GLYATL1: variants seen among roughly 807,000 people sequenced by gnomAD.
GLYATL1 encodes the protein glycine-N-acyltransferase like 1, also known as glycine N-acyltransferase-like protein 1.
Under a neutral mutation model 20.0 loss-of-function variants are expected in GLYATL1, and 15 were observed. That is an observed-to-expected ratio of 0.75 (90% CI 0.50 to 1.15). The LOEUF is 1.15. GLYATL1 is among the 50% of genes most tolerant of loss of function. The pLI, the probability that GLYATL1 is intolerant of heterozygous loss-of-function variation, is 0.00. For synonymous variants in GLYATL1, 151 were observed against 131.5 expected (o/e 1.15, Z -1.01); for missense variants, 380 against 368.5 (o/e 1.03, Z -0.26).
At chr11:58,930,118 A>G (rs929886471) in intron 1 of GLYATL1, among the ~76,000 whole-genome samples, 7 of 152,276 alleles carry the variant, frequency 4.6e-5, no homozygotes, top group South Asian at 2.1e-4. Flanking sequence ...ATTTTTTTCC[A>G]AAGTCTTTAG....
At chr11:58,947,252 C>T in intron 3 of GLYATL1, 87 bp downstream of exon 3, 1 of 1,507,568 alleles carries the variant, frequency 6.6e-7, no homozygotes, top group Non-Finnish European at 8.8e-7. Context: ...TCCTTCCTGA[C>T]TGTTTGCAGA....
At chr11:58,923,772 G>A (rs541621846), upstream of GLYATL1, among the ~76,000 whole-genome samples, 1 of 152,278 alleles carries the variant, frequency 6.6e-6, no homozygotes, top group East Asian at 1.9e-4. Flanking sequence ...AACCTGAAGT[G>A]GGGAAGGCAG....
At chr11:58,936,718 C>T (rs1406423999), upstream of GLYATL1, among the ~76,000 whole-genome samples, 2 of 152,212 alleles carry the variant, frequency 1.3e-5, no homozygotes, top group Non-Finnish European at 2.9e-5. Context: ...TTTTGTTTTT[C>T]TCTTCCTTAG....
chr11:58,938,778 C>A (rs74505397), upstream of GLYATL1, among the ~76,000 whole-genome samples: 544 of 152,266 alleles, frequency 3.6e-3, 4 homozygotes, highest in African/African-American at 0.012. Flanking sequence ...CTCTGCACCC[C>A]ATATGCACGT....
intron 1 of GLYATL1, among the ~76,000 whole-genome samples, chr11:58,940,569 T>C (rs1469503309): frequency 8.5e-5 from 13 of 152,266 alleles, no homozygotes; most frequent in Non-Finnish European, 1.9e-4. Context: ...AAGTCCAAAG[T>C]ATTTTTCATG....
chr11:58,954,613 T>C (rs1217997308), intron 4 of GLYATL1, among the ~76,000 whole-genome samples, 157 bp from the exon 5 acceptor site: 1 of 152,158 alleles, frequency 6.6e-6, no homozygotes, highest in Non-Finnish European at 1.5e-5. Flanking sequence ...AGCGGTAGCT[T>C]ATAGGCCTAG....
At chr11:58,911,665 A>C (rs1262029800), downstream of GLYATL1, among the ~76,000 whole-genome samples, 3 of 152,162 alleles carry the variant, frequency 2.0e-5, no homozygotes, top group African/African-American at 7.2e-5. Flanking sequence ...GGTTAGTTAT[A>C]TCTGAGTTTT....
chr11:58,919,889 G>A (rs1410742013), intron 1 of GLYATL1, among the ~76,000 whole-genome samples: 1 of 152,116 alleles, frequency 6.6e-6, no homozygotes, highest in Non-Finnish European at 1.5e-5. Context: ...TGAGTTCCTC[G>A]GTGGAACTGT....
chr11:58,955,468 G>A (rs944883138), intron 6 of GLYATL1, 115 bp downstream of exon 6: 21 of 1,356,444 alleles, frequency 1.5e-5, no homozygotes, highest in Admixed American at 2.2e-5. Flanking sequence ...GATGAATAAA[G>A]GTTGTCAAAG....
At chr11:58,922,326 C>G (rs1229218669) in intron 1 of GLYATL1, among the ~76,000 whole-genome samples, 2 of 152,200 alleles carry the variant, frequency 1.3e-5, no homozygotes, top group Non-Finnish European at 2.9e-5. Flanking sequence ...TAGGGCTTCT[C>G]TGTGTCAGAG....
intron 1 of GLYATL1, among the ~76,000 whole-genome samples, chr11:58,929,194 G>T (rs1475055539): frequency 6.6e-6 from 1 of 152,074 alleles, no homozygotes; most frequent in African/African-American, 2.4e-5. Flanking sequence ...TTCTAGTCTT[G>T]GGAATGCATT....
chr11:58,942,001 A>G (rs1446211988), intron 1 of GLYATL1, among the ~76,000 whole-genome samples: 2 of 152,224 alleles, frequency 1.3e-5, no homozygotes, highest in Non-Finnish European at 2.9e-5. Flanking sequence ...ACTTGGGGCA[A>G]TGTTTCATGA....
downstream of GLYATL1, among the ~76,000 whole-genome samples, chr11:58,909,669 G>T (rs1482789789): frequency 1.3e-5 from 2 of 152,168 alleles, no homozygotes; most frequent in Non-Finnish European, 2.9e-5. Context: ...GCATTTGATG[G>T]TATATAAGGA....
At chr11:58,908,202 G>T (rs1348781658) in exon 2 of GLYATL1, 5 of 152,164 alleles carry the variant, frequency 3.3e-5, no homozygotes, top group Non-Finnish European at 5.9e-5. Context: ...AAACTGCCAG[G>T]TTCTGCCTGT....
chr11:58,946,090 G>T (rs1856551428), intron 2 of GLYATL1, among the ~76,000 whole-genome samples: 1 of 151,900 alleles, frequency 6.6e-6, no homozygotes, highest in South Asian at 2.1e-4. Context: ...CATTAATTTT[G>T]TTGTAAGTTC....
intron 4 of GLYATL1, among the ~76,000 whole-genome samples, chr11:58,948,663 A>C (rs1290431142): frequency 6.6e-6 from 1 of 152,134 alleles, no homozygotes; most frequent in Non-Finnish European, 1.5e-5. Context: ...TTTCAAAAAA[A>C]AAAGTTACTT....
At chr11:58,953,523 A>G (rs1194900925) in intron 4 of GLYATL1, among the ~76,000 whole-genome samples, 2 of 150,170 alleles carry the variant, frequency 1.3e-5, no homozygotes, top group Non-Finnish European at 3.0e-5. Flanking sequence ...GGCTTTATAT[A>G]TCCTTTGCAC....
rs1857409120 is a variant in GLYATL1, at chr11:58,956,182, A to G, written c.*155A>G. On this transcript the variant is annotated 3_prime_UTR_variant, in exon 7 of 7. Coordinates refer to ENST00000532726, the MANE Select transcript of GLYATL1 (RefSeq NM_001389712.2). ...AGCCTTGATGTTAAAAGACACAGCC[A>G]TGCTCTTGAGGAGCTTACAATCCTG... 2.9e-6 allele frequency: 2 copies of G among 696,984 alleles called. No individual in the cohort carries two copies. The highest frequency in any genetic ancestry group is 3.9e-5 in the South Asian group (2 of 51,036). 43.2% of individuals were successfully genotyped at this position (696,984 alleles called of 1,614,324 possible).
chr11:58,947,326 C>T, intron 3 of GLYATL1, 161 bp downstream of exon 3: 2 of 1,032,332 alleles, frequency 1.9e-6, no homozygotes, highest in Non-Finnish European at 2.7e-6. Flanking sequence ...GCTGCTGCTT[C>T]TCTTTGGGAA....
Sources: gnomAD v4.1 joint callset for allele counts (sites outside exome capture counted in the v4.1 genomes callset) on GRCh38, gnomAD v4.1.1 for gene constraint, MANE v1.5 for transcripts, NCBI Gene and HGNC (gene_info 2026-07-23, HGNC 2026-07-21) for gene names.